Variants in FLVCR1 observed in about 807,000 individuals in gnomAD.
FLVCR1 encodes the protein choline/ethanolamine transporter FLVCR1.
A neutral mutation model predicts 53.6 loss-of-function variants in FLVCR1; 34 were observed. That is an observed-to-expected ratio of 0.63 (90% confidence interval 0.48 to 0.84). FLVCR1 has a LOEUF of 0.84. FLVCR1 is among the 40% of genes least tolerant of loss of function. The pLI, the probability that FLVCR1 is intolerant of heterozygous loss-of-function variation, is 0.00. For missense variants in FLVCR1, 677 were observed against 696.7 expected (o/e 0.97, Z 0.32); for synonymous variants, 300 against 286.3 (o/e 1.05, Z -0.48).
At chr1:212,876,107 G>A (rs906533958) in intron 3 of FLVCR1, among the ~76,000 whole-genome samples, 21 of 151,832 alleles carry the variant, frequency 1.4e-4, no homozygotes. Context: ...GGTTGGTCTC[G>A]AATTCCTGAC....
chr1:212,875,638 A>G (rs1416022742), intron 3 of FLVCR1, among the ~76,000 whole-genome samples: 1 of 152,072 alleles, frequency 6.6e-6, no homozygotes, highest in Non-Finnish European at 1.5e-5. Flanking sequence ...AGGCCAGTTC[A>G]AGACCAGCCT....
At chr1:212,890,660 C>T (rs764137871) in intron 8 of FLVCR1, among the ~76,000 whole-genome samples, 13 of 152,214 alleles carry the variant, frequency 8.5e-5, no homozygotes, top group East Asian at 3.9e-4. Flanking sequence ...ATCAATCCCC[C>T]GCAGATACCA....
chr1:212,895,330 A>G lies in FLVCR1; in HGVS notation c.*40A>G, dbSNP rs778259898. On this transcript the variant is annotated 3_prime_UTR_variant, in exon 10 of 10. Coordinates refer to ENST00000366971, the MANE Select transcript of FLVCR1 (RefSeq NM_014053.4). Reference sequence around the variant, plus strand: ...TTACTGTCCTGTAGTAATTGGGGACAATGTGATCATCCTTGGAGAGAGATG... The same window carrying G: ...TTACTGTCCTGTAGTAATTGGGGACGATGTGATCATCCTTGGAGAGAGATG... 2.8e-6 allele frequency: 4 copies of G among 1,440,060 alleles called. No homozygotes were observed. Among genetic ancestry groups the G allele is most frequent in the South Asian group, 2.3e-5 (2 of 87,536 alleles). The allele number at this position is 1,440,060 out of a possible 1,614,324, so 89.2% of individuals were successfully genotyped here.
At chr1:212,882,089 ACTT>A (rs1664946441) in intron 3 of FLVCR1, among the ~76,000 whole-genome samples, 1 of 152,226 alleles carries the variant, frequency 6.6e-6, no homozygotes, top group Non-Finnish European at 1.5e-5. Flanking sequence ...GATAACAACT[ACTT>A]TGAAGAGCAA....
chr1:212,877,023 G>A (rs1030392633), intron 3 of FLVCR1, among the ~76,000 whole-genome samples: 1 of 151,376 alleles, frequency 6.6e-6, no homozygotes, highest in African/African-American at 2.4e-5. Context: ...TTTAATAATC[G>A]TCATTCTGAC....
chr1:212,886,879 T>C (rs914703131), intron 5 of FLVCR1, among the ~76,000 whole-genome samples: 6 of 151,822 alleles, frequency 4.0e-5, no homozygotes, highest in Admixed American at 3.3e-4. Context: ...CCAAAGAAAA[T>C]GAATGATACC....
intron 2 of FLVCR1, among the ~76,000 whole-genome samples, chr1:212,871,749 G>C (rs998745845): frequency 6.6e-6 from 1 of 152,162 alleles, no homozygotes. Flanking sequence ...ATCTTTTATG[G>C]AAAGTTGGTC....
At chr1:212,871,746 A>G (rs772781711) in intron 2 of FLVCR1, among the ~76,000 whole-genome samples, 2 of 152,182 alleles carry the variant, frequency 1.3e-5, no homozygotes, top group Non-Finnish European at 2.9e-5. Context: ...GTCATCTTTT[A>G]TGGAAAGTTG....
intron 1 of FLVCR1, among the ~76,000 whole-genome samples, chr1:212,863,277 A>G (rs2102535171): frequency 6.6e-6 from 1 of 152,298 alleles, no homozygotes; most frequent in Admixed American, 6.5e-5. Flanking sequence ...TAACAATACA[A>G]TAGTAAAAAA....
chr1:212,865,460 A>C (rs1664384148), intron 2 of FLVCR1, among the ~76,000 whole-genome samples: 1 of 148,674 alleles, frequency 6.7e-6, no homozygotes, highest in Admixed American at 6.8e-5. Context: ...ATTTTGCATA[A>C]ATGGACCTTC....
At chr1:212,878,019 T>C (rs1300241398) in intron 3 of FLVCR1, among the ~76,000 whole-genome samples, 2 of 152,140 alleles carry the variant, frequency 1.3e-5, no homozygotes, top group Non-Finnish European at 2.9e-5. Flanking sequence ...ATGAGCCAAA[T>C]CTGGACATTG....
At chr1:212,874,940 C>CACAG (rs1195411527) in intron 3 of FLVCR1, among the ~76,000 whole-genome samples, 1 of 151,926 alleles carries the variant, frequency 6.6e-6, no homozygotes, top group Non-Finnish European at 1.5e-5. Context: ...CACACACACA[C>CACAG]AGACACATCT....
chr1:212,866,959 C>G lies in FLVCR1; in HGVS notation c.883+3090C>G, dbSNP rs72743954. Reference sequence around the variant, plus strand: ...TGTTTTCCTCATTCCCAAATATTTGCTATTGAGCAAACTTTGGATTACTTA... The same window carrying G: ...TGTTTTCCTCATTCCCAAATATTTGGTATTGAGCAAACTTTGGATTACTTA... On this transcript the variant is annotated intron_variant, in intron 2 of 9. Transcript: ENST00000366971. Among the ~76,000 whole-genome samples the G allele has an allele frequency of 8.0e-3, 1,223 of 152,242 alleles. 7 individuals carry two copies. Among genetic ancestry groups the G allele is most frequent in the Non-Finnish European group, 0.013 (918 of 68,006 alleles).
At chr1:212,868,327 G>A (rs1274545097) in intron 2 of FLVCR1, among the ~76,000 whole-genome samples, 1 of 152,000 alleles carries the variant, frequency 6.6e-6, no homozygotes, top group Non-Finnish European at 1.5e-5. Context: ...AGCTTGCCTT[G>A]GGCTCCCAAA....
intron 3 of FLVCR1, among the ~76,000 whole-genome samples, chr1:212,878,586 T>G (rs890866109): frequency 5.4e-5 from 8 of 149,028 alleles, no homozygotes; most frequent in African/African-American, 1.5e-4. Flanking sequence ...CTATTAAAAC[T>G]AATAAGAATG....
intron 3 of FLVCR1, 94 bp downstream of exon 3, chr1:212,872,912 A>G: frequency 7.4e-7 from 1 of 1,360,124 alleles, no homozygotes; most frequent in Non-Finnish European, 1.0e-6. Flanking sequence ...AACTTCAATG[A>G]GATTGGCCTG....
intron 2 of FLVCR1, among the ~76,000 whole-genome samples, chr1:212,867,038 T>C (rs1181284954): frequency 6.6e-6 from 1 of 152,256 alleles, no homozygotes; most frequent in African/African-American, 2.4e-5. Flanking sequence ...ATTTTACTTC[T>C]CTCTGAATTC....
At position 212,889,230 on chromosome 1, in the gene FLVCR1, T is replaced by A; in HGVS notation, c.1498T>A (p.Trp500Arg). Reference protein sequence around the residue: ...PKAGNIFLCVWMFIGIILTAL... With the variant: ...PKAGNIFLCVRMFIGIILTAL... Reference sequence around the variant, plus strand: ...GGCAGGGAACATTTTTCTCTGTGTCTGGATGTTTATAGGCATCATATTAAC... The same window carrying A: ...GGCAGGGAACATTTTTCTCTGTGTCAGGATGTTTATAGGCATCATATTAAC... Residue 500 changes from tryptophan (W) to arginine (R), a missense_variant, in exon 8 of 10, where the codon TGG (tryptophan) becomes AGG (arginine). Trp to Arg is a moderately radical substitution (Grantham distance 101). Coordinates refer to ENST00000366971, the MANE Select transcript of FLVCR1 (RefSeq NM_014053.4). The A allele has an allele frequency of 1.2e-6, 2 of 1,613,106 alleles. No homozygotes were observed. The highest frequency in any genetic ancestry group is 1.7e-6 in the Non-Finnish European group (2 of 1,179,108).
intron 3 of FLVCR1, among the ~76,000 whole-genome samples, chr1:212,873,760 G>C (rs1271801981): frequency 6.6e-6 from 1 of 152,072 alleles, no homozygotes; most frequent in African/African-American, 2.4e-5. Context: ...GCTATTCTCT[G>C]TTTCACATTT....
Sources: allele counts gnomAD v4.1 joint callset (sites outside exome capture counted in the v4.1 genomes callset), GRCh38; gene constraint gnomAD v4.1.1; transcripts MANE v1.5; gene names NCBI Gene and HGNC (gene_info 2026-07-23, HGNC 2026-07-21).